MKKS: variants seen among roughly 807,000 people sequenced by gnomAD.
The protein encoded by MKKS is molecular chaperone MKKS.
A neutral mutation model predicts 33.2 loss-of-function variants in MKKS; 29 were observed. The observed-to-expected ratio is 0.87, with a 90% CI of 0.65 to 1.19. The LOEUF is 1.19. Among genes scored for constraint, MKKS ranks in the 50% most tolerant of loss-of-function variants. MKKS has a pLI of 0.00. For synonymous variants in MKKS, 260 were observed against 244.0 expected (o/e 1.07, Z -0.61); for missense variants, 661 against 662.3 (o/e 1.00, Z 0.02).
intron 1 of MKKS, among the ~76,000 whole-genome samples, chr20:10,433,560 CT>C: frequency 6.6e-6 from 1 of 152,336 alleles, no homozygotes; most frequent in South Asian, 2.1e-4. Flanking sequence ...TGGGTATGGT[CT>C]TATCGGGGAG....
chr20:10,414,778 C>T (rs747192060), intron 2 of MKKS, among the ~76,000 whole-genome samples: 45 of 152,086 alleles, frequency 3.0e-4, no homozygotes, highest in Admixed American at 1.0e-3. Context: ...CTATATTTAG[C>T]TGAATAATTC....
At chr20:10,420,840 T>C (rs2064975461) in intron 1 of MKKS, 82 bp from the exon 2 acceptor site, 1 of 152,218 alleles carries the variant, frequency 6.6e-6, no homozygotes, top group Non-Finnish European at 1.5e-5. Flanking sequence ...TCACTACAAG[T>C]AGCATGCTGT....
chr20:10,405,063 G>A lies in MKKS; in HGVS notation c.*184C>T, dbSNP rs2064831285. 9.8e-6 allele frequency: 5 copies of A among 511,108 alleles called. No homozygotes were observed. Among genetic ancestry groups the A allele is most frequent in the South Asian group, 9.8e-5 (3 of 30,718 alleles). 31.7% of individuals were successfully genotyped at this position (511,108 alleles called of 1,614,324 possible). On this transcript the variant is annotated 3_prime_UTR_variant, in exon 6 of 6. Transcript: ENST00000347364. ...ATAAATAATGCTTCATATTTTTATTGTTTCATGGCATTTCCATTCACGAAT... is the reference window on the plus strand; with the variant it reads ...ATAAATAATGCTTCATATTTTTATTATTTCATGGCATTTCCATTCACGAAT...
At chr20:10,409,469 AAAG>A (rs1161345403) in intron 3 of MKKS, among the ~76,000 whole-genome samples, 6 of 152,216 alleles carry the variant, frequency 3.9e-5, no homozygotes, top group African/African-American at 9.6e-5. Flanking sequence ...AAATATGAAT[AAAG>A]AAGTTAGCGT....
At chr20:10,420,390 T>C (rs2064971322) in intron 2 of MKKS, 138 bp downstream of exon 2, 1 of 152,190 alleles carries the variant, frequency 6.6e-6, no homozygotes, top group South Asian at 2.1e-4. Flanking sequence ...TGCAGAATAG[T>C]ATTTTGCCAG....
At chr20:10,417,336 C>T (rs552673700) in intron 2 of MKKS, among the ~76,000 whole-genome samples, 3 of 152,178 alleles carry the variant, frequency 2.0e-5, no homozygotes, top group African/African-American at 4.8e-5. Flanking sequence ...ACTGGCTAGA[C>T]GCAGTGGCTC....
chr20:10,418,345 T>C lies in MKKS; in HGVS notation c.-418+2183A>G, dbSNP rs571775734. ...AAAGGCCATTAACTATTAAAGCCAG[T>C]TGATGGATACTTGAGGGCTCAATAT... On this transcript the variant is annotated intron_variant, in intron 2 of 5. Transcript: ENST00000347364. Among the ~76,000 whole-genome samples the C allele has an allele frequency of 9.8e-4, 149 of 152,346 alleles. 1 individual carries two copies. Among genetic ancestry groups the C allele is most frequent in the Non-Finnish European group, 1.9e-3 (129 of 68,030 alleles).
intron 5 of MKKS, among the ~76,000 whole-genome samples, chr20:10,406,105 T>C (rs1249535369): frequency 2.0e-5 from 3 of 152,210 alleles, no homozygotes; most frequent in East Asian, 1.9e-4. Flanking sequence ...TGCAAAATGT[T>C]TGAGATTTGC....
At chr20:10,408,885 C>G in intron 3 of MKKS, 82 bp from the exon 4 acceptor site, 1 of 1,091,684 alleles carries the variant, frequency 9.2e-7, no homozygotes. Flanking sequence ...TTATTCCTAG[C>G]CAACATAAAA....
intron 1 of MKKS, among the ~76,000 whole-genome samples, chr20:10,421,722 C>A (rs1209795484): frequency 6.6e-6 from 1 of 151,300 alleles, no homozygotes; most frequent in East Asian, 1.9e-4. Context: ...CTAGTTTAGA[C>A]AAAGAAACTG....
chr20:10,408,829 A>G (rs750159833), intron 3 of MKKS, 26 bp from the exon 4 acceptor site: 2 of 1,570,094 alleles, frequency 1.3e-6, no homozygotes, highest in Non-Finnish European at 1.7e-6. Flanking sequence ...TAGAAAATAC[A>G]AGTTGTATAA....
chr20:10,408,548 G>T, intron 4 of MKKS, 80 bp downstream of exon 4: 1 of 1,450,550 alleles, frequency 6.9e-7, no homozygotes. Context: ...GGGAAGCTAC[G>T]AAAAAAAAAT....
At position 10,413,117 on chromosome 20, in the gene MKKS, G is replaced by A. The variant is rs2064906700; in HGVS notation, c.398C>T (p.Ser133Phe). The A allele has an allele frequency of 6.2e-7, 1 of 1,614,020 alleles. No homozygotes were observed. Among genetic ancestry groups the A allele is most frequent in the East Asian group, 2.2e-5 (1 of 44,878 alleles). The change falls in exon 3 of 6, where the codon TCT (serine) becomes TTT (phenylalanine). Residue 133 changes from serine to phenylalanine, a missense_variant. Physicochemically the swap from Ser to Phe is radical, Grantham distance 155. Transcript: ENST00000347364. ...TGGGATTCGACAACCACAGGTCTCA[G>A]ACTTGAGATAACTGATGCAAAGACT... ...LLSLCISYLK[S>F]ETCGCRIPVD... is the part of the protein sequence containing the mutation.
Position 10,413,680 on chromosome 20 carries a change from A to C in MKKS, c.-166T>G, listed in dbSNP as rs1336825560. On this transcript the variant is annotated 5_prime_UTR_variant, in exon 3 of 6. It adds an upstream start codon to the 5' untranslated region. Coordinates refer to ENST00000347364, the MANE Select transcript of MKKS (RefSeq NM_170784.3). ...CAAAAAGTTCAATGTTTATGAAGCT[A>C]ATCAGCATAGAATGATTTAATGACA... 2.9e-6 allele frequency: 2 copies of C among 697,018 alleles called. No individual in the cohort carries two copies. The highest frequency in any genetic ancestry group is 4.0e-4 in the Middle Eastern group (1 of 2,496). The allele number at this position is 697,018 out of a possible 1,614,324, so 43.2% of individuals were successfully genotyped here.
In MKKS at chr20:10,424,364, G is replaced by A. The variant is rs34525691; in HGVS notation, c.-648-3606C>T. Reference sequence around the variant, plus strand: ...TGAGCCCATGAGTTCGAGACTGCCTGGGCAATACAGTGAGACTTCATCTCT... The same window carrying A: ...TGAGCCCATGAGTTCGAGACTGCCTAGGCAATACAGTGAGACTTCATCTCT... On this transcript the variant is annotated intron_variant, in intron 1 of 5. Coordinates refer to ENST00000347364, the MANE Select transcript of MKKS (RefSeq NM_170784.3). 2.9e-3 allele frequency among the ~76,000 whole-genome samples: 440 copies of A among 152,038 alleles called. 3 individuals carry two copies. Among genetic ancestry groups the A allele is most frequent in the African/African-American group, 0.01 (424 of 41,486 alleles).
intron 2 of MKKS, among the ~76,000 whole-genome samples, chr20:10,415,953 C>G (rs1436115171): frequency 1.3e-5 from 2 of 151,996 alleles, no homozygotes; most frequent in East Asian, 1.9e-4. Flanking sequence ...CAGGTCTAGA[C>G]CTGAACAAAA....
At position 10,413,574 on chromosome 20, in the gene MKKS, T is replaced by G. The variant is rs1463862922; in HGVS notation, c.-60A>C. The G allele has an allele frequency of 1.3e-6, 2 of 1,544,188 alleles. No individual in the cohort carries two copies. Among genetic ancestry groups the G allele is most frequent in the Non-Finnish European group, 1.8e-6 (2 of 1,118,980 alleles). On this transcript the variant is annotated 5_prime_UTR_variant, in exon 3 of 6. It removes the in-frame stop codon of an upstream open reading frame in the 5' UTR. Transcript: ENST00000347364. ...TATTTTGTAAACCACATTTTTCTAT[T>G]TATTGCATTATCACGTTTTAACATT... is the stretch of plus-strand genomic sequence containing the variant.
At chr20:10,433,152 C>G (rs995596337) in intron 1 of MKKS, among the ~76,000 whole-genome samples, 1 of 152,218 alleles carries the variant, frequency 6.6e-6, no homozygotes, top group Non-Finnish European at 1.5e-5. Context: ...TACAGGCGTG[C>G]GCCACTGCGC....
At position 10,424,583 on chromosome 20, in the gene MKKS, A is replaced by C. The variant is rs574373845; in HGVS notation, c.-648-3825T>G. ...TAGCAAAGCTCATTGCTAGTTTTACAAAAAAAAAAATAGTTTTCAAATTTT... is the reference window on the plus strand; with the variant it reads ...TAGCAAAGCTCATTGCTAGTTTTACCAAAAAAAAAATAGTTTTCAAATTTT... On this transcript the variant is annotated intron_variant, in intron 1 of 5. Transcript: ENST00000347364. 2.0e-5 allele frequency among the ~76,000 whole-genome samples: 3 copies of C among 147,002 alleles called. No homozygotes were observed. The South Asian group carries it at 6.4e-4, about 31-fold the overall frequency.
Sources: allele counts gnomAD v4.1 joint callset (sites outside exome capture counted in the v4.1 genomes callset), GRCh38; gene constraint gnomAD v4.1.1; transcripts MANE v1.5; gene names NCBI Gene and HGNC (gene_info 2026-07-23, HGNC 2026-07-21).